SMYD4: variants seen among roughly 807,000 people sequenced by gnomAD.
The protein encoded by SMYD4 is protein-lysine N-methyltransferase SMYD4.
In SMYD4, 68 loss-of-function variants were observed where a neutral mutation model predicts 72.8. That is an observed-to-expected ratio of 0.93 (90% confidence interval 0.77 to 1.14). SMYD4 has a LOEUF of 1.14. SMYD4 is among the 50% of genes most tolerant of loss of function. SMYD4 has a pLI of 0.00. For synonymous variants in SMYD4, 407 were observed against 388.6 expected (o/e 1.05, Z -0.56); for missense variants, 984 against 1,003.7 (o/e 0.98, Z 0.27).
intron 4 of SMYD4, among the ~76,000 whole-genome samples, chr17:1,801,301 C>T (rs57599098): frequency 0.36 from 54,533 of 151,540 alleles, 11,242 homozygotes; most frequent in African/African-American, 0.57. Flanking sequence ...TGCAGTGGTG[C>T]GACCTTGGCT....
chr17:1,810,749 G>T lies in SMYD4; in HGVS notation c.279+1222C>A, dbSNP rs190859312. ...GGGCCTATAAAAACCCAAGACCCTA[G>T]CAGGCAGACACATAAGCAGCTGGAT... On this transcript the variant is annotated intron_variant, in intron 3 of 10. Transcript: ENST00000305513. Among the ~76,000 whole-genome samples the T allele has an allele frequency of 5.3e-5, 8 of 152,338 alleles. No individual in the cohort carries two copies. The East Asian group carries it at 1.5e-3, about 29-fold the overall frequency.
intron 7 of SMYD4, among the ~76,000 whole-genome samples, chr17:1,785,449 A>AAG (rs1403768304): frequency 6.7e-6 from 1 of 149,028 alleles, no homozygotes; most frequent in Non-Finnish European, 1.5e-5. Flanking sequence ...GAAAAAAAAA[A>AAG]AAAAAAGAAA....
intron 5 of SMYD4, among the ~76,000 whole-genome samples, chr17:1,790,465 G>T (rs1908959428): frequency 1.3e-5 from 2 of 151,974 alleles, no homozygotes; most frequent in African/African-American, 2.4e-5. Context: ...AAATAAAGAG[G>T]GAGTGATTCT....
intron 5 of SMYD4, among the ~76,000 whole-genome samples, chr17:1,797,730 G>A (rs1274567262): frequency 2.0e-5 from 3 of 152,190 alleles, no homozygotes; most frequent in African/African-American, 4.8e-5. Flanking sequence ...GGCCGGGCAC[G>A]GTGGCTCACG....
rs2151235102 is a variant in SMYD4, at chr17:1,800,899, G to A, written c.495C>T (p.Thr165=). 3 of 1,614,176 alleles carry A rather than the reference G, an allele frequency of 1.9e-6. No individual in the cohort carries two copies. Among genetic ancestry groups the A allele is most frequent in the East Asian group, 2.2e-5 (1 of 44,890 alleles). Residue 165 remains threonine (T), a synonymous_variant, in exon 5 of 11, where the codon ACC becomes ACT. Transcript: ENST00000305513. ...ALGRLQEASQ[T]ISDLERNFTA... ...TGAAGTTCCTTTCAAGATCACTGAT[G>A]GTCTGGCTTGCCTCCTGCAGTCTCC...
chr17:1,793,541 A>G (rs914245627), intron 5 of SMYD4, among the ~76,000 whole-genome samples: 1 of 152,006 alleles, frequency 6.6e-6, no homozygotes, highest in Non-Finnish European at 1.5e-5. Flanking sequence ...GGAGGCAATT[A>G]AGGCTTAGAC....
At chr17:1,799,468 C>T (rs1409048383) in intron 5 of SMYD4, among the ~76,000 whole-genome samples, 1 of 151,046 alleles carries the variant, frequency 6.6e-6, no homozygotes, top group Non-Finnish European at 1.5e-5. Flanking sequence ...CTCCCGGGTT[C>T]AGGTGATTCT....
At chr17:1,809,731 G>A (rs186173885) in intron 3 of SMYD4, among the ~76,000 whole-genome samples, 3,726 of 148,902 alleles carry the variant, frequency 0.025, 60 homozygotes, top group Non-Finnish European at 0.039. Flanking sequence ...GTGCAGTGGC[G>A]CGATCTCGGC....
intron 5 of SMYD4, among the ~76,000 whole-genome samples, chr17:1,790,098 G>A (rs34241539): frequency 0.35 from 53,139 of 152,080 alleles, 11,664 homozygotes; most frequent in Non-Finnish European, 0.5. Context: ...ACAATTTGTC[G>A]TCTGAATAAT....
rs1205566922 is a variant in SMYD4 at position 1,779,494 on chromosome 17, C to CAAAACAAAACAAAACAAAACAA, written c.*1791_*1792insTTGTTTTGTTTTGTTTTGTTTT. ...ACTCCATCTCAAAAACAAAACAAAA[C>CAAAACAAAACAAAACAAAACAA]AAAACAAAACAAAACAAAACCAACA... On this transcript the variant is annotated 3_prime_UTR_variant, in exon 11 of 11. Transcript: ENST00000305513. 1.3e-5 allele frequency: 2 copies of CAAAACAAAACAAAACAAAACAA among 152,638 alleles called. No homozygotes were observed. The highest frequency in any genetic ancestry group is 6.6e-5 in the Admixed American group (1 of 15,250). 9.5% of individuals were successfully genotyped at this position (152,638 alleles called of 1,614,324 possible).
chr17:1,791,116 C>CAAAA lies in SMYD4; in HGVS notation c.1538-3516_1538-3513dup, dbSNP rs56079708. ...CACTCCAGCCTGGGCTGGCCCGTCT[C>CAAAA]AAAAAAAAAAAAAAAAAAAAAAGAT... is the stretch of plus-strand genomic sequence containing the variant. On this transcript the variant is annotated intron_variant, in intron 5 of 10. Coordinates refer to ENST00000305513, the MANE Select transcript of SMYD4 (RefSeq NM_052928.3). Among the ~76,000 whole-genome samples the CAAAA allele has an allele frequency of 7.0e-3, 603 of 86,360 alleles. 19 individuals are homozygous for CAAAA. The highest frequency in any genetic ancestry group is 0.013 in the East Asian group (38 of 2,838). 56.7% of individuals were successfully genotyped at this position (86,360 alleles called of 152,430 possible).
At chr17:1,823,488 T>G (rs983007140) in intron 2 of SMYD4, among the ~76,000 whole-genome samples, 1 of 149,532 alleles carries the variant, frequency 6.7e-6, no homozygotes, top group African/African-American at 2.5e-5. Flanking sequence ...TATTCTGGAA[T>G]ACGAACAATG....
At position 1,792,332 on chromosome 17, in the gene SMYD4, C is replaced by T. The variant is rs1204849858; in HGVS notation, c.1538-4728G>A. Among the ~76,000 whole-genome samples the T allele has an allele frequency of 3.9e-5, 6 of 151,912 alleles. No homozygotes were observed. In the East Asian group the frequency reaches 9.9e-4, roughly 25 times the overall value. On this transcript the variant is annotated intron_variant, in intron 5 of 10. Coordinates refer to ENST00000305513, the MANE Select transcript of SMYD4 (RefSeq NM_052928.3). The stretch of plus-strand genomic sequence containing the variant: ...GAGATTACAGGCTTGAGCCACCACG[C>T]CTGGCCTAAAATGCATTTTAGAATT...
At position 1,827,861 on chromosome 17, in the gene SMYD4, T is replaced by C. The variant is rs1308946217; in HGVS notation, c.134A>G (p.Gln45Arg). Residue 45 changes from glutamine to arginine, a missense_variant and splice_region_variant, in exon 2 of 11, where the codon CAA becomes CGA. Physicochemically the swap from Gln to Arg is conservative, Grantham distance 43 (BLOSUM62 1). Transcript: ENST00000305513. ...DIFLHSSSLL[Q>R]PEDELFLKRL... Reference sequence around the variant, plus strand: ...CCTTGTTAAAGCTTGATTTACTTACTGAAGAAGTGAAGAGGAGTGAAGAAA... The same window carrying C: ...CCTTGTTAAAGCTTGATTTACTTACCGAAGAAGTGAAGAGGAGTGAAGAAA... 11 of 1,597,472 alleles carry C rather than the reference T, an allele frequency of 6.9e-6. No homozygotes were observed. In the Admixed American group the frequency reaches 1.5e-4, roughly 22 times the overall value.
At chr17:1,797,519 G>A (rs1470270057) in intron 5 of SMYD4, among the ~76,000 whole-genome samples, 1 of 152,206 alleles carries the variant, frequency 6.6e-6, no homozygotes, top group African/African-American at 2.4e-5. Context: ...AAAGCAGGCT[G>A]AGCCAGCTCG....
At chr17:1,798,107 A>G (rs1203475907) in intron 5 of SMYD4, among the ~76,000 whole-genome samples, 1 of 151,750 alleles carries the variant, frequency 6.6e-6, no homozygotes, top group East Asian at 1.9e-4. Context: ...AAGAGAAACT[A>G]TATAGCTTTC....
At chr17:1,823,304 G>A (rs1050359023) in intron 2 of SMYD4, among the ~76,000 whole-genome samples, 10 of 145,736 alleles carry the variant, frequency 6.9e-5, no homozygotes, top group South Asian at 2.2e-4. Context: ...TGAGGCAGGA[G>A]AATGGCATGA....
At chr17:1,787,273 C>G (rs1356403006) in intron 6 of SMYD4, 149 bp downstream of exon 6, 2 of 1,053,562 alleles carry the variant, frequency 1.9e-6, no homozygotes, top group Non-Finnish European at 2.8e-6. Flanking sequence ...TCCATCCTCC[C>G]TTCCTTGTTT....
chr17:1,787,871 G>C (rs907220690), intron 5 of SMYD4, among the ~76,000 whole-genome samples: 11 of 152,160 alleles, frequency 7.2e-5, no homozygotes, highest in Non-Finnish European at 1.3e-4. Flanking sequence ...CCAAAGATAA[G>C]AACTTATAAA....
Sources: gnomAD v4.1 joint callset for allele counts (sites outside exome capture counted in the v4.1 genomes callset) on GRCh38, gnomAD v4.1.1 for gene constraint, MANE v1.5 for transcripts, NCBI Gene and HGNC (gene_info 2026-07-23, HGNC 2026-07-21) for gene names.